The following RSU1 variants were observed in gnomAD, a reference collection of about 807,000 sequenced individuals.
RSU1 encodes the protein rsu-1.
Under a neutral mutation model 31.1 loss-of-function variants are expected in RSU1, and 26 were observed. The ratio of observed to expected loss-of-function variants is 0.84; its 90% CI spans 0.61 to 1.16. The LOEUF (loss-of-function observed/expected upper bound fraction) is 1.16, where lower values mean the gene tolerates loss of function less well. RSU1 is among the 50% of genes most tolerant of loss of function. RSU1 has a pLI of 0.00. For synonymous variants in RSU1, 164 were observed against 136.3 expected (o/e 1.20, Z -1.41); for missense variants, 320 against 339.1 (o/e 0.94, Z 0.44).
intron 2 of RSU1, among the ~76,000 whole-genome samples, chr10:16,807,909 G>C (rs1384725490): frequency 6.6e-6 from 1 of 151,730 alleles, no homozygotes; most frequent in African/African-American, 2.4e-5. Flanking sequence ...TGTAGTCCCA[G>C]CCACTGGGGA....
At chr10:16,617,984 G>A (rs1228579397) in intron 8 of RSU1, among the ~76,000 whole-genome samples, 3 of 152,106 alleles carry the variant, frequency 2.0e-5, no homozygotes, top group East Asian at 1.9e-4. Flanking sequence ...TAGACAAATG[G>A]GATCTAATTA....
intron 8 of RSU1, among the ~76,000 whole-genome samples, chr10:16,672,805 CTTAAG>C (rs1835135982): frequency 6.6e-6 from 1 of 152,210 alleles, no homozygotes. Context: ...TGTTCACTGT[CTTAAG>C]TTGATTGTTT....
intron 7 of RSU1, among the ~76,000 whole-genome samples, chr10:16,725,880 A>C (rs1836383139): frequency 6.7e-6 from 1 of 149,670 alleles, no homozygotes; most frequent in Non-Finnish European, 1.5e-5. Context: ...TATTTGAAAT[A>C]AACAAAAATA....
At chr10:16,607,582 C>T (rs751549884) in intron 8 of RSU1, among the ~76,000 whole-genome samples, 4 of 152,116 alleles carry the variant, frequency 2.6e-5, no homozygotes, top group African/African-American at 4.8e-5. Flanking sequence ...ACTGCTACTC[C>T]CCATCTCATA....
At chr10:16,812,092 C>T (rs1404903634) in intron 2 of RSU1, among the ~76,000 whole-genome samples, 1 of 152,158 alleles carries the variant, frequency 6.6e-6, no homozygotes, top group African/African-American at 2.4e-5. Flanking sequence ...CAAGAAGCGG[C>T]GTGTTTAAAA....
chr10:16,792,267 C>T (rs1267042100), intron 2 of RSU1, among the ~76,000 whole-genome samples: 1 of 152,204 alleles, frequency 6.6e-6, no homozygotes, highest in Non-Finnish European at 1.5e-5. Flanking sequence ...AACAGAGTCT[C>T]ACTGTCGCAG....
At chr10:16,784,077 T>C (rs1294303445) in intron 2 of RSU1, among the ~76,000 whole-genome samples, 1 of 146,778 alleles carries the variant, frequency 6.8e-6, no homozygotes, top group East Asian at 2.0e-4. Context: ...ATTATGTCCC[T>C]CTATGTACAA....
chr10:16,686,262 A>G (rs1366091108), intron 8 of RSU1, among the ~76,000 whole-genome samples: 1 of 152,208 alleles, frequency 6.6e-6, no homozygotes, highest in Non-Finnish European at 1.5e-5. Flanking sequence ...TTTGATTATA[A>G]AAGCGCCACT....
At chr10:16,708,949 C>CTT (rs35475612) in intron 7 of RSU1, among the ~76,000 whole-genome samples, 115,747 of 151,216 alleles carry the variant, frequency 0.77, 45,161 homozygotes, top group African/African-American at 0.91. Flanking sequence ...TATCCCATAA[C>CTT]TACTGAATTC....
At chr10:16,614,840 A>G (rs960913305) in intron 8 of RSU1, among the ~76,000 whole-genome samples, 1 of 152,168 alleles carries the variant, frequency 6.6e-6, no homozygotes, top group Non-Finnish European at 1.5e-5. Flanking sequence ...TCATTTACTC[A>G]TATCTAAAAT....
At chr10:16,681,014 G>A (rs914553198) in intron 8 of RSU1, among the ~76,000 whole-genome samples, 2 of 152,140 alleles carry the variant, frequency 1.3e-5, no homozygotes, top group Admixed American at 6.5e-5. Flanking sequence ...GCTTCCTATT[G>A]TGTGTCTATT....
chr10:16,748,646 AG>A (rs1236880971), intron 7 of RSU1, among the ~76,000 whole-genome samples: 1 of 152,102 alleles, frequency 6.6e-6, no homozygotes, highest in African/African-American at 2.4e-5. Context: ...TTCCTGTCTA[AG>A]CTCATTGCTT....
intron 8 of RSU1, among the ~76,000 whole-genome samples, chr10:16,638,091 T>G (rs889836294): frequency 1.8e-4 from 27 of 152,330 alleles, no homozygotes; most frequent in African/African-American, 6.5e-4. Flanking sequence ...ATTGTAGCGA[T>G]GTACTTTTTC....
chr10:16,794,649 G>A lies in RSU1; in HGVS notation c.110-12565C>T, dbSNP rs1837989873. ...GGCCAGAGAAGTAAAGGTATTCTAA[G>A]ATTCCACGGGCCAGCAGAATCAGAA... On this transcript the variant is annotated intron_variant, in intron 2 of 8. Coordinates refer to ENST00000345264, the MANE Select transcript of RSU1 (RefSeq NM_012425.4). Among the ~76,000 whole-genome samples the A allele has an allele frequency of 3.3e-5, 5 of 152,214 alleles. No individual in the cohort carries two copies. In the South Asian group the frequency reaches 1.0e-3, roughly 31 times the overall value.
chr10:16,620,287 T>G (rs1281741179), intron 8 of RSU1, among the ~76,000 whole-genome samples: 1 of 152,172 alleles, frequency 6.6e-6, no homozygotes, highest in Non-Finnish European at 1.5e-5. Flanking sequence ...CTGCTGTTGA[T>G]GTCAATAGTG....
intron 8 of RSU1, among the ~76,000 whole-genome samples, chr10:16,603,298 T>C (rs1321214081): frequency 6.6e-6 from 1 of 152,220 alleles, no homozygotes; most frequent in Non-Finnish European, 1.5e-5. Flanking sequence ...AACAGCCATA[T>C]ATTCTAGACT....
intron 8 of RSU1, among the ~76,000 whole-genome samples, chr10:16,645,184 A>C (rs1834514467): frequency 6.6e-6 from 1 of 152,222 alleles, no homozygotes; most frequent in African/African-American, 2.4e-5. Context: ...CGTAAACATA[A>C]ATAAGGATTT....
At chr10:16,692,519 T>C (rs569759182) in intron 8 of RSU1, among the ~76,000 whole-genome samples, 2 of 152,172 alleles carry the variant, frequency 1.3e-5, no homozygotes, top group African/African-American at 2.4e-5. Flanking sequence ...TATACTATCA[T>C]ATACAGAATG....
intron 8 of RSU1, among the ~76,000 whole-genome samples, chr10:16,678,741 GT>G: frequency 6.6e-6 from 1 of 152,246 alleles, no homozygotes; most frequent in Admixed American, 6.5e-5. Flanking sequence ...TGAAGAGGAT[GT>G]GCCCACTCCT....
Sources: allele counts gnomAD v4.1 joint callset (sites outside exome capture counted in the v4.1 genomes callset), GRCh38; gene constraint gnomAD v4.1.1; transcripts MANE v1.5; gene names NCBI Gene and HGNC (gene_info 2026-07-23, HGNC 2026-07-21).